Variants in THSD7B observed in about 807,000 individuals in gnomAD.
The protein encoded by THSD7B is thrombospondin type-1 domain-containing protein 7B.
In THSD7B, 138 loss-of-function variants were observed where a neutral mutation model predicts 213.6. The observed-to-expected ratio is 0.65, with a 90% CI of 0.56 to 0.74. The LOEUF (loss-of-function observed/expected upper bound fraction) is 0.74, where lower values mean the gene tolerates loss of function less well. THSD7B is among the 30% of genes least tolerant of loss of function. The pLI is 0.00. For missense variants in THSD7B, 1,931 were observed against 1,991.5 expected (o/e 0.97, Z 0.58); for synonymous variants, 742 against 687.0 (o/e 1.08, Z -1.25).
intron 16 of THSD7B, among the ~76,000 whole-genome samples, chr2:137,564,137 T>C (rs996100245): frequency 1.3e-5 from 2 of 152,304 alleles, no homozygotes; most frequent in East Asian, 3.9e-4. Context: ...ACATGCATAG[T>C]GTATTATTTT....
intron 15 of THSD7B, among the ~76,000 whole-genome samples, chr2:137,520,519 A>C (rs990781688): frequency 1.3e-5 from 2 of 152,240 alleles, no homozygotes; most frequent in Non-Finnish European, 2.9e-5. Context: ...ACCTAAAACT[A>C]ATTCTCAGTG....
At chr2:137,070,198 G>T (rs1037986402) in intron 3 of THSD7B, among the ~76,000 whole-genome samples, 2 of 150,914 alleles carry the variant, frequency 1.3e-5, no homozygotes, top group African/African-American at 2.5e-5. Context: ...TACACAAAAG[G>T]TAGCAAGTTA....
intron 12 of THSD7B, among the ~76,000 whole-genome samples, chr2:137,368,028 A>G (rs1685460413): frequency 1.7e-5 from 2 of 118,538 alleles, no homozygotes; most frequent in African/African-American, 2.9e-5. Flanking sequence ...AATGTCAGAA[A>G]GCATGAGTTT....
At chr2:137,074,767 T>G (rs900219181) in intron 3 of THSD7B, among the ~76,000 whole-genome samples, 4 of 152,182 alleles carry the variant, frequency 2.6e-5, no homozygotes, top group Admixed American at 6.5e-5. Context: ...AGGAGCTCTT[T>G]TAGGGCAGGC....
chr2:136,889,859 T>C (rs1052419471), intron 2 of THSD7B, among the ~76,000 whole-genome samples: 2 of 152,172 alleles, frequency 1.3e-5, no homozygotes, highest in African/African-American at 4.8e-5. Context: ...CTGTTCTGTT[T>C]CTCTTCTTTG....
At chr2:137,662,236 TTTTTTC>T (rs1354498765) in intron 25 of THSD7B, among the ~76,000 whole-genome samples, 29 of 120,884 alleles carry the variant, frequency 2.4e-4, no homozygotes, top group Non-Finnish European at 3.4e-4. Flanking sequence ...CTAATTTTTT[TTTTTTC>T]TTTTTTTTTT....
chr2:137,066,448 C>T (rs1687383791), intron 3 of THSD7B, among the ~76,000 whole-genome samples: 1 of 152,032 alleles, frequency 6.6e-6, no homozygotes. Flanking sequence ...CCCACTTCGG[C>T]CTCCCAAAGT....
chr2:137,272,137 G>A (rs559571046), intron 10 of THSD7B, among the ~76,000 whole-genome samples: 10 of 152,122 alleles, frequency 6.6e-5, no homozygotes, highest in African/African-American at 2.4e-4. Flanking sequence ...ATAAAAAATA[G>A]CCTGGATGGA....
At chr2:137,506,020 G>C (rs1679826020) in intron 15 of THSD7B, among the ~76,000 whole-genome samples, 1 of 152,154 alleles carries the variant, frequency 6.6e-6, no homozygotes, top group Non-Finnish European at 1.5e-5. Context: ...AGGTAGTTGA[G>C]GTGTGGACTC....
chr2:137,330,629 C>T (rs1038900962), intron 12 of THSD7B, among the ~76,000 whole-genome samples: 1 of 151,992 alleles, frequency 6.6e-6, no homozygotes. Context: ...TGGAGTTGTT[C>T]ATTCCCCCCG....
At chr2:137,452,419 A>G (rs982058807) in intron 15 of THSD7B, among the ~76,000 whole-genome samples, 1 of 152,122 alleles carries the variant, frequency 6.6e-6, no homozygotes, top group Non-Finnish European at 1.5e-5. Context: ...AGAAAGAAAT[A>G]ATGCAGGTTT....
chr2:137,627,239 A>T (rs1682648764), intron 20 of THSD7B, among the ~76,000 whole-genome samples: 1 of 152,226 alleles, frequency 6.6e-6, no homozygotes, highest in Non-Finnish European at 1.5e-5. Flanking sequence ...TTAATTTATT[A>T]ACGAGGAATC....
chr2:136,960,659 C>T (rs1685201011), intron 2 of THSD7B, among the ~76,000 whole-genome samples: 1 of 152,158 alleles, frequency 6.6e-6, no homozygotes, highest in Admixed American at 6.5e-5. Flanking sequence ...CAGGCCTTCC[C>T]TATCCAACAA....
intron 3 of THSD7B, among the ~76,000 whole-genome samples, chr2:137,085,804 T>G (rs565623392): frequency 1.4e-4 from 21 of 152,174 alleles, no homozygotes; most frequent in Non-Finnish European, 2.6e-4. Flanking sequence ...AAATCTCAAG[T>G]GTGGCATAAA....
intron 15 of THSD7B, among the ~76,000 whole-genome samples, chr2:137,452,267 A>T (rs1687666957): frequency 6.6e-6 from 1 of 152,116 alleles, no homozygotes; most frequent in African/African-American, 2.4e-5. Context: ...TTTTAGGGAA[A>T]ATAAAGCAGA....
At chr2:136,884,243 G>A (rs192068837) in intron 2 of THSD7B, among the ~76,000 whole-genome samples, 5 of 152,338 alleles carry the variant, frequency 3.3e-5, no homozygotes, top group Admixed American at 2.6e-4. Context: ...AGGCAAGTGT[G>A]AGCAGTGTGT....
intron 7 of THSD7B, among the ~76,000 whole-genome samples, chr2:137,215,936 G>A (rs1681232349): frequency 3.3e-5 from 5 of 152,134 alleles, no homozygotes. Flanking sequence ...TATTTGCAGT[G>A]TCAATGTTTC....
chr2:137,293,762 T>G (rs1050062360), intron 12 of THSD7B, among the ~76,000 whole-genome samples: 1 of 152,136 alleles, frequency 6.6e-6, no homozygotes, highest in Admixed American at 6.5e-5. Context: ...CTGTCTCCCT[T>G]CTTACTGCTG....
chr2:137,543,501 T>C (rs1680645388), intron 15 of THSD7B, among the ~76,000 whole-genome samples: 1 of 151,864 alleles, frequency 6.6e-6, no homozygotes, highest in South Asian at 2.1e-4. Flanking sequence ...AAGACCAAAA[T>C]ATAAGCACCA....
Sources: allele counts gnomAD v4.1 joint callset (sites outside exome capture counted in the v4.1 genomes callset), GRCh38; gene constraint gnomAD v4.1.1; transcripts MANE v1.5; gene names NCBI Gene and HGNC (gene_info 2026-07-23, HGNC 2026-07-21).